SLC9B1: variants seen among roughly 807,000 people sequenced by gnomAD.
The protein encoded by SLC9B1 is sodium/hydrogen exchanger 9B1.
Under a neutral mutation model 51.7 loss-of-function variants are expected in SLC9B1, and 32 were observed. The observed-to-expected ratio is 0.62, with a 90% confidence interval of 0.47 to 0.83. The LOEUF (loss-of-function observed/expected upper bound fraction) is 0.83. Ranked by LOEUF, SLC9B1 falls within the 40% of genes least tolerant of loss-of-function variation. The probability of loss-of-function intolerance (pLI) is 0.00; values close to 1 mark genes in which losing one functional copy is unlikely to be tolerated. For synonymous variants in SLC9B1, 145 were observed against 212.7 expected, an observed-to-expected ratio of 0.68 and a Z score of 2.77; for missense variants, 406 against 613.2, an observed-to-expected ratio of 0.66 and a Z score of 3.57.
At chr4:102,901,734 T>G (rs1734803634) in intron 11 of SLC9B1, among the ~76,000 whole-genome samples, 1 of 152,200 alleles carries the variant, frequency 6.6e-6, no homozygotes, top group Admixed American at 6.5e-5. Context: ...TTTCTTATGG[T>G]TCTCTAGGAT....
At chr4:102,958,650 C>G (rs1737927950) in intron 3 of SLC9B1, among the ~76,000 whole-genome samples, 1 of 152,116 alleles carries the variant, frequency 6.6e-6, no homozygotes, top group Non-Finnish European at 1.5e-5. Flanking sequence ...AGGCCAGGCG[C>G]AGTGGCTCAT....
intron 11 of SLC9B1, among the ~76,000 whole-genome samples, chr4:102,902,843 T>C (rs1390767279): frequency 6.6e-6 from 1 of 152,210 alleles, no homozygotes; most frequent in Non-Finnish European, 1.5e-5. Flanking sequence ...TTTTCCACTC[T>C]AATTTTTATC....
At chr4:102,912,025 C>T (rs1223438460) in intron 7 of SLC9B1, 6 of 196,338 alleles carry the variant, frequency 3.1e-5, no homozygotes, top group Middle Eastern at 2.2e-3. Context: ...CCCAGGTACT[C>T]GGGAGGCTGA....
intron 7 of SLC9B1, among the ~76,000 whole-genome samples, chr4:102,914,467 A>C (rs1413971809): frequency 6.6e-6 from 1 of 152,072 alleles, no homozygotes; most frequent in East Asian, 1.9e-4. Flanking sequence ...ACTTTGTTTC[A>C]GAGTCAAACC....
chr4:102,965,595 A>T (rs1738379826), intron 3 of SLC9B1, among the ~76,000 whole-genome samples: 1 of 152,150 alleles, frequency 6.6e-6, no homozygotes, highest in African/African-American at 2.4e-5. Context: ...TTTGGCAGAG[A>T]CACGGAAACC....
intron 1 of SLC9B1, among the ~76,000 whole-genome samples, chr4:103,007,069 C>A (rs1204798101): frequency 6.6e-6 from 1 of 152,148 alleles, no homozygotes; most frequent in African/African-American, 2.4e-5. Flanking sequence ...CAGAGCAAGT[C>A]GAGGATGCCC....
chr4:102,989,940 C>G lies in SLC9B1; in HGVS notation c.71G>C (p.Ser24Thr), dbSNP rs1362130747. ...ENFQTSTTPQ[S>T]LIDPNNTAQE... ...TGCAGTATTATTAGGATCAATGAGA[C>G]TCTGTAGTAAAACAAGAAAATCTTT... The change falls in exon 3 of 12, where the codon AGT becomes ACT. Residue 24 changes from serine (S) to threonine (T), a missense_variant and splice_region_variant. Coordinates refer to ENST00000296422, the MANE Select transcript of SLC9B1 (RefSeq NM_139173.4). The G allele has an allele frequency of 1.9e-6, 3 of 1,574,230 alleles. No homozygotes were observed. The highest frequency in any genetic ancestry group is 2.6e-6 in the Non-Finnish European group (3 of 1,156,646).
intron 6 of SLC9B1, among the ~76,000 whole-genome samples, chr4:102,937,753 A>C (rs1212619559): frequency 1.3e-5 from 2 of 151,066 alleles, no homozygotes; most frequent in Non-Finnish European, 1.5e-5. Context: ...AAATTCAACC[A>C]AGAACTTAAT....
intron 11 of SLC9B1, among the ~76,000 whole-genome samples, chr4:102,905,155 A>C (rs1734967626): frequency 6.6e-6 from 1 of 152,080 alleles, no homozygotes; most frequent in South Asian, 2.1e-4. Flanking sequence ...CCTGGTCTCA[A>C]AATGAAAATA....
intron 3 of SLC9B1, among the ~76,000 whole-genome samples, chr4:102,950,917 C>T (rs1313141924): frequency 6.6e-6 from 1 of 152,158 alleles, no homozygotes. Context: ...ATTGCTTAAA[C>T]CCAGGAGGCA....
intron 7 of SLC9B1, among the ~76,000 whole-genome samples, chr4:102,928,271 ATCTC>A (rs1336288501): frequency 6.6e-6 from 1 of 152,180 alleles, no homozygotes; most frequent in Non-Finnish European, 1.5e-5. Flanking sequence ...GTCCTCAATC[ATCTC>A]TCTCAGTTTC....
intron 3 of SLC9B1, among the ~76,000 whole-genome samples, chr4:102,967,701 A>G (rs1354476131): frequency 6.6e-6 from 1 of 152,160 alleles, no homozygotes; most frequent in Admixed American, 6.5e-5. Flanking sequence ...CCACAAAAGA[A>G]AAGCTCCCAA....
At chr4:102,944,528 A>G (rs1240680503) in intron 6 of SLC9B1, among the ~76,000 whole-genome samples, 12 of 152,274 alleles carry the variant, frequency 7.9e-5, no homozygotes, top group Non-Finnish European at 1.5e-5. Context: ...GTATTTTATC[A>G]TAAACATTAA....
At chr4:102,949,580 GAT>G (rs1737441417) in intron 3 of SLC9B1, among the ~76,000 whole-genome samples, 153 bp from the exon 4 acceptor site, 1 of 152,180 alleles carries the variant, frequency 6.6e-6, no homozygotes, top group Non-Finnish European at 1.5e-5. Context: ...TGGTGAAAGA[GAT>G]ATCTGCTTAA....
At chr4:102,964,057 T>C (rs1738288306) in intron 3 of SLC9B1, among the ~76,000 whole-genome samples, 2 of 152,088 alleles carry the variant, frequency 1.3e-5, no homozygotes, top group South Asian at 4.2e-4. Context: ...TAATATTTAG[T>C]TACATTGACC....
chr4:102,945,117 T>G, intron 6 of SLC9B1, 76 bp downstream of exon 6: 1 of 1,359,154 alleles, frequency 7.4e-7, no homozygotes, highest in Non-Finnish European at 9.8e-7. Context: ...CTATACAACA[T>G]TCTGAATATT....
At chr4:103,011,074 A>G (rs988089453) in intron 1 of SLC9B1, among the ~76,000 whole-genome samples, 2 of 152,196 alleles carry the variant, frequency 1.3e-5, no homozygotes, top group Non-Finnish European at 2.9e-5. Context: ...CCTGAGGCAA[A>G]TTGCTCTCCA....
intron 3 of SLC9B1, among the ~76,000 whole-genome samples, chr4:102,967,845 T>TA (rs1219136489): frequency 6.6e-6 from 1 of 152,058 alleles, no homozygotes; most frequent in Admixed American, 6.6e-5. Context: ...CACTGAAAAC[T>TA]AAAAAACATC....
At chr4:102,933,286 C>A (rs907664121) in intron 6 of SLC9B1, among the ~76,000 whole-genome samples, 15 of 152,184 alleles carry the variant, frequency 9.9e-5, no homozygotes, top group Non-Finnish European at 2.2e-4. Context: ...CAATGACTGA[C>A]TGATGTGAGT....
Sources: allele counts gnomAD v4.1 joint callset (sites outside exome capture counted in the v4.1 genomes callset), GRCh38; gene constraint gnomAD v4.1.1; transcripts MANE v1.5; gene names NCBI Gene and HGNC (gene_info 2026-07-23, HGNC 2026-07-21).